Variants in MCTP1 observed in about 807,000 individuals in gnomAD.
MCTP1 encodes multiple C2 and transmembrane domain containing 1.
In MCTP1, 69 loss-of-function variants were observed where a neutral mutation model predicts 120.6. That is an observed-to-expected ratio of 0.57 (90% CI 0.47 to 0.70). The LOEUF (loss-of-function observed/expected upper bound fraction) is 0.70, where lower values mean the gene tolerates loss of function less well. Among genes scored for constraint, MCTP1 ranks in the 30% least tolerant of loss-of-function variants. MCTP1 has a pLI of 0.00. For missense variants in MCTP1, 1,203 were observed against 1,248.8 expected, an observed-to-expected ratio of 0.96 and a Z score of 0.55; for synonymous variants, 529 against 493.1, an observed-to-expected ratio of 1.07 and a Z score of -0.96.
chr5:94,738,291 C>G (rs549646678), intron 19 of MCTP1, among the ~76,000 whole-genome samples: 2 of 152,222 alleles, frequency 1.3e-5, no homozygotes, highest in African/African-American at 4.8e-5. Context: ...TCGTTGTGGT[C>G]CTGATTGGAT....
intron 1 of MCTP1, among the ~76,000 whole-genome samples, chr5:95,147,114 T>C (rs1388650837): frequency 2.0e-5 from 3 of 152,064 alleles, no homozygotes; most frequent in African/African-American, 7.2e-5. Flanking sequence ...TAAGACAGAG[T>C]CTCACTCTGT....
intron 9 of MCTP1, among the ~76,000 whole-genome samples, chr5:94,911,027 T>G (rs745483845): frequency 6.6e-6 from 1 of 152,192 alleles, no homozygotes; most frequent in Non-Finnish European, 1.5e-5. Flanking sequence ...AAATAATGCC[T>G]TCCCTTTCTA....
chr5:94,718,999 G>A (rs1187607182), intron 19 of MCTP1, among the ~76,000 whole-genome samples: 1 of 152,152 alleles, frequency 6.6e-6, no homozygotes, highest in African/African-American at 2.4e-5. Flanking sequence ...GGGATTATAG[G>A]CGTGAGCCAC....
intron 1 of MCTP1, among the ~76,000 whole-genome samples, chr5:95,129,974 A>T (rs887658301): frequency 1.3e-5 from 2 of 152,044 alleles, no homozygotes; most frequent in African/African-American, 2.4e-5. Flanking sequence ...GGATGGGCAA[A>T]TTTTTTGTCT....
chr5:95,162,258 C>T (rs1433772651), intron 1 of MCTP1, among the ~76,000 whole-genome samples: 22 of 152,150 alleles, frequency 1.4e-4, no homozygotes, highest in Non-Finnish European at 4.4e-5. Context: ...TATTTTATTA[C>T]AAAAGAATTT....
At chr5:95,137,490 A>G (rs1218211262) in intron 1 of MCTP1, among the ~76,000 whole-genome samples, 1 of 152,226 alleles carries the variant, frequency 6.6e-6, no homozygotes, top group Middle Eastern at 3.2e-3. Context: ...TGCATGCAAT[A>G]TCTTTCAGGT....
At chr5:94,852,638 G>T (rs986096028) in intron 17 of MCTP1, among the ~76,000 whole-genome samples, 1 of 151,836 alleles carries the variant, frequency 6.6e-6, no homozygotes, top group African/African-American at 2.4e-5. Flanking sequence ...GCAAGGTATT[G>T]GGAAAATTGC....
At chr5:94,906,306 C>T (rs1806890957) in intron 10 of MCTP1, among the ~76,000 whole-genome samples, 1 of 151,990 alleles carries the variant, frequency 6.6e-6, no homozygotes, top group Non-Finnish European at 1.5e-5. Context: ...GGCAGCATGG[C>T]AAAACGCTGC....
At chr5:95,005,770 A>C (rs309804) in intron 2 of MCTP1, among the ~76,000 whole-genome samples, 16 of 64,876 alleles carry the variant, frequency 2.5e-4, no homozygotes, top group African/African-American at 7.6e-4. Context: ...TTCTTTCTTT[A>C]TTTTTTTTTT....
intron 1 of MCTP1, among the ~76,000 whole-genome samples, chr5:95,098,790 C>A (rs1481425497): frequency 5.3e-5 from 8 of 151,940 alleles, no homozygotes; most frequent in African/African-American, 1.4e-4. Flanking sequence ...TCATATGGAA[C>A]CAAAAAAGAG....
At chr5:95,232,490 C>T (rs1755077818) in intron 1 of MCTP1, among the ~76,000 whole-genome samples, 1 of 149,726 alleles carries the variant, frequency 6.7e-6, no homozygotes, top group African/African-American at 2.5e-5. Flanking sequence ...ACGGAGTCTC[C>T]CTCTGTCGCC....
chr5:94,790,070 G>T (rs1778565250), intron 18 of MCTP1, among the ~76,000 whole-genome samples: 1 of 152,148 alleles, frequency 6.6e-6, no homozygotes, highest in Non-Finnish European at 1.5e-5. Context: ...TATACTGAGA[G>T]TGTTGTGATT....
intron 1 of MCTP1, among the ~76,000 whole-genome samples, chr5:95,044,567 G>A (rs760828044): frequency 2.0e-5 from 3 of 152,060 alleles, no homozygotes; most frequent in Non-Finnish European, 4.4e-5. Context: ...CTACTTGGAT[G>A]TCTCAGAGGC....
In MCTP1 at chr5:94,706,452, TAATA is replaced by T. The variant is rs398109174; in HGVS notation, c.*1040_*1043del. ...ATGCATAATCAAGAATGATTTTTTTTAATAAATGAATGTAGTGAAACACTGGCAT... is the reference window on the plus strand; with the variant it reads ...ATGCATAATCAAGAATGATTTTTTTTAATGAATGTAGTGAAACACTGGCAT... On this transcript the variant is annotated 3_prime_UTR_variant, in exon 23 of 23. Transcript: ENST00000515393. 6.6e-6 allele frequency: 1 copy of T among 151,622 alleles called. No homozygotes were observed. Among genetic ancestry groups the T allele is most frequent in the African/African-American group, 2.4e-5 (1 of 41,328 alleles). The allele number at this position is 151,622 out of a possible 1,614,324, so 9.4% of individuals were successfully genotyped here.
At chr5:95,209,264 C>A (rs1445834116) in intron 1 of MCTP1, among the ~76,000 whole-genome samples, 1 of 152,164 alleles carries the variant, frequency 6.6e-6, no homozygotes, top group African/African-American at 2.4e-5. Flanking sequence ...TCTTCCCTGG[C>A]CAATCAGCCA....
In MCTP1 at chr5:95,072,740, A is replaced by ATTTTTTT. The variant is rs11421165; in HGVS notation, c.721-55263_721-55257dup. On this transcript the variant is annotated intron_variant, in intron 1 of 22. Coordinates refer to ENST00000515393, the MANE Select transcript of MCTP1 (RefSeq NM_024717.7). ...CAAATTTGGACTCTGCTTAGCAACT[A>ATTTTTTT]TTTTTTTTTTTTTTTTTTTTTTTGA... 6.7e-4 allele frequency among the ~76,000 whole-genome samples: 64 copies of ATTTTTTT among 95,222 alleles called. 1 individual carries two copies. Among genetic ancestry groups the ATTTTTTT allele is most frequent in the East Asian group, 1.5e-3 (5 of 3,248 alleles). 62.5% of individuals were successfully genotyped at this position (95,222 alleles called of 152,430 possible).
At chr5:94,918,609 G>A (rs1810751276) in intron 7 of MCTP1, among the ~76,000 whole-genome samples, 1 of 152,074 alleles carries the variant, frequency 6.6e-6, no homozygotes, top group Admixed American at 6.5e-5. Flanking sequence ...GGAACTCCTG[G>A]GGGGAAATTA....
intron 19 of MCTP1, among the ~76,000 whole-genome samples, chr5:94,732,435 ACC>A (rs111783022): frequency 1.3e-5 from 2 of 151,954 alleles, no homozygotes; most frequent in Non-Finnish European, 2.9e-5. Context: ...AAGATTGGAA[ACC>A]CCTGATTCTA....
In MCTP1 at chr5:94,710,849, G is replaced by C. The variant is rs772366855; in HGVS notation, c.2799C>G (p.Cys933Trp). 6.2e-7 allele frequency: 1 copy of C among 1,612,764 alleles called. No individual in the cohort carries two copies. The highest frequency in any genetic ancestry group is 8.5e-7 in the Non-Finnish European group (1 of 1,179,130). Residue 933 changes from cysteine (C) to tryptophan (W), a missense_variant, in exon 21 of 23, where the codon TGC becomes TGG. By Grantham distance (215) the Cys-to-Trp change is radical. This residue lies in a region of MCTP1 where 740 missense variants were observed against 871.1 expected (regional missense o/e 0.85). Transcript: ENST00000515393. ...CAAGGACAATGTATCTCAGCGGAAT[G>C]CAGTACAGGATGGCTGTGAACACAC... Reference protein sequence around the residue: ...ALCVFTAILYCIPLRYIVLVW... With the variant: ...ALCVFTAILYWIPLRYIVLVW...
Sources: gnomAD v4.1 joint callset for allele counts (sites outside exome capture counted in the v4.1 genomes callset) on GRCh38, gnomAD v4.1.1 for gene constraint, gnomAD v4.1.1 regional missense constraint, MANE v1.5 for transcripts, NCBI Gene and HGNC (gene_info 2026-07-23, HGNC 2026-07-21) for gene names.